CCZ1B: variants seen among roughly 807,000 people sequenced by gnomAD.
The protein encoded by CCZ1B is CCZ1B vacuolar protein trafficking and biogenesis associated.
CCZ1B carries 25 observed loss-of-function variants against 58.8 expected under a neutral mutation model. That is an observed-to-expected ratio of 0.43 (90% CI 0.31 to 0.59). CCZ1B has a LOEUF of 0.59. Ranked by LOEUF, CCZ1B falls within the 20% of genes least tolerant of loss-of-function variation. The pLI, the probability that CCZ1B is intolerant of heterozygous loss-of-function variation, is 0.12. For missense variants in CCZ1B, 180 were observed against 501.5 expected (o/e 0.36, Z 6.12); for synonymous variants, 66 against 173.2 (o/e 0.38, Z 4.86).
In CCZ1B at chr7:6,816,237, G is replaced by A. The variant is rs371840121; in HGVS notation, c.699-1392C>T. On this transcript the variant is annotated intron_variant, in intron 7 of 14. Coordinates refer to ENST00000316731, the MANE Select transcript of CCZ1B (RefSeq NM_198097.5). ...GCTCACACCTGTAATCCCAGCACTTGGGGAAGCCAAGGTGAGCAGATCACC... is the reference window on the plus strand; with the variant it reads ...GCTCACACCTGTAATCCCAGCACTTAGGGAAGCCAAGGTGAGCAGATCACC... Among the ~76,000 whole-genome samples, 13 of 149,216 alleles carry A rather than the reference G, an allele frequency of 8.7e-5. No individual in the cohort carries two copies. The East Asian group carries it at 2.1e-3, about 24-fold the overall frequency.
chr7:6,808,281 C>A (rs73333145), intron 10 of CCZ1B, among the ~76,000 whole-genome samples: 22,841 of 105,904 alleles, frequency 0.22, 4,115 homozygotes, highest in South Asian at 0.34. Context: ...AGCCACACAT[C>A]CTCGATGGGG....
At chr7:6,814,320 A>G (rs1196578391) in intron 8 of CCZ1B, among the ~76,000 whole-genome samples, 1 of 149,240 alleles carries the variant, frequency 6.7e-6, no homozygotes, top group Non-Finnish European at 1.5e-5. Context: ...GCAGATCACA[A>G]GGTCAGGAGT....
intron 5 of CCZ1B, among the ~76,000 whole-genome samples, 155 bp downstream of exon 5, chr7:6,823,158 C>T (rs6970263): frequency 0.52 from 76,274 of 146,852 alleles, 21,112 homozygotes; most frequent in South Asian, 0.81. Flanking sequence ...AGGCATAAAC[C>T]TCACTACCTG....
chr7:6,821,292 A>C (rs1783106305), intron 6 of CCZ1B, among the ~76,000 whole-genome samples: 1 of 150,002 alleles, frequency 6.7e-6, no homozygotes, highest in Non-Finnish European at 1.5e-5. Flanking sequence ...TTACAGGCGT[A>C]AGCCACCACA....
intron 4 of CCZ1B, among the ~76,000 whole-genome samples, 155 bp from the exon 5 acceptor site, chr7:6,823,515 CTTTTT>C (rs897480782): frequency 1.9e-5 from 2 of 104,878 alleles, no homozygotes; most frequent in African/African-American, 8.2e-5. Context: ...TGTTTGCGTT[CTTTTT>C]TTTTTTTTTT....
At chr7:6,824,880 T>C (rs1304413542) in intron 1 of CCZ1B, 143 bp from the exon 2 acceptor site, 2 of 1,107,684 alleles carry the variant, frequency 1.8e-6, no homozygotes, top group East Asian at 2.6e-5. Context: ...AAAACAGGAA[T>C]TGTAATCCTA....
chr7:6,817,826 A>T (rs1453808903), intron 7 of CCZ1B, among the ~76,000 whole-genome samples: 1 of 149,282 alleles, frequency 6.7e-6, no homozygotes, highest in Non-Finnish European at 1.5e-5. Context: ...CAGCCTGGCC[A>T]ACATGGTAAA....
chr7:6,814,376 A>C lies in CCZ1B; in HGVS notation c.780+388T>G, dbSNP rs887650173. ...ATAGTGAAACCTGTCTCTACTAAAAATACAAAAAAATTAGCTGGGCGTGGT... is the reference window on the plus strand; with the variant it reads ...ATAGTGAAACCTGTCTCTACTAAAACTACAAAAAAATTAGCTGGGCGTGGT... On this transcript the variant is annotated intron_variant, in intron 8 of 14. Transcript: ENST00000316731. Among the ~76,000 whole-genome samples the C allele has an allele frequency of 3.4e-5, 5 of 149,238 alleles. 1 individual carries two copies. The highest frequency in any genetic ancestry group is 7.6e-5 in the African/African-American group (3 of 39,358).
chr7:6,811,082 G>T (rs1782910615), intron 10 of CCZ1B, among the ~76,000 whole-genome samples: 1 of 151,510 alleles, frequency 6.6e-6, no homozygotes, highest in African/African-American at 2.4e-5. Context: ...TCAGCCGTGG[G>T]CCTGTCTGTG....
chr7:6,824,468 A>C lies in CCZ1B; in HGVS notation c.299T>G (p.Phe100Cys). Residue 100 changes from phenylalanine (F) to cysteine (C), a missense_variant, in exon 3 of 15, where the codon TTC becomes TGC. Phe to Cys is a radical substitution (Grantham distance 205, BLOSUM62 -2). Transcript: ENST00000316731. ...RQFFNEPEEN[F>C]WMVMVVRNPI... ...GTGTGTAAATACCATGACCATCCAG[A>C]AATTTTCTTCTGGTTCATTGAAGAA... The C allele has an allele frequency of 6.2e-7, 1 of 1,605,886 alleles. No homozygotes were observed. The highest frequency in any genetic ancestry group is 8.5e-7 in the Non-Finnish European group (1 of 1,177,638).
At position 6,824,624 on chromosome 7, in the gene CCZ1B, CA is replaced by C. The variant is rs1393495493; in HGVS notation, c.218+15del. 6.2e-7 allele frequency: 1 copy of C among 1,612,358 alleles called. No homozygotes were observed. The highest frequency in any genetic ancestry group is 1.4e-5 in the African/African-American group (1 of 73,810). ...AAGAATTCACTGAACGCTAAAGGCA[CA>C]CTTAGAGGTATTACCTTGTAAACTG... On this transcript the variant is annotated intron_variant, in intron 2 of 14. Transcript: ENST00000316731.
At chr7:6,800,917 A>C in intron 14 of CCZ1B, 31 bp downstream of exon 14, 1 of 785,204 alleles carries the variant, frequency 1.3e-6, no homozygotes, top group Non-Finnish European at 1.8e-6. Context: ...ACAACTTCTC[A>C]AATTCTCCTG....
chr7:6,818,667 C>CAGAA lies in CCZ1B; in HGVS notation c.698+1095_698+1098dup, dbSNP rs139349494. 1.8e-3 allele frequency among the ~76,000 whole-genome samples: 132 copies of CAGAA among 73,884 alleles called. 6 individuals are homozygous for CAGAA. Among genetic ancestry groups the CAGAA allele is most frequent in the African/African-American group, 3.4e-3 (71 of 20,878 alleles). 48.5% of individuals were successfully genotyped at this position (73,884 alleles called of 152,430 possible). On this transcript the variant is annotated intron_variant, in intron 7 of 14. Coordinates refer to ENST00000316731, the MANE Select transcript of CCZ1B (RefSeq NM_198097.5). ...AAAGAAAGACAGAAAGAAAGACAGA[C>CAGAA]AGAAAGAAAGAAAGAAAGAAAGAAA... is the stretch of plus-strand genomic sequence containing the variant.
chr7:6,817,033 G>C (rs1164503629), intron 7 of CCZ1B, among the ~76,000 whole-genome samples: 2 of 152,304 alleles, frequency 1.3e-5, no homozygotes, highest in Non-Finnish European at 2.9e-5. Flanking sequence ...CAAAGTGCTG[G>C]GATGACAGGT....
At position 6,812,067 on chromosome 7, in the gene CCZ1B, A is replaced by T; in HGVS notation, c.843-4T>A. On this transcript the variant is annotated splice_region_variant and splice_polypyrimidine_tract_variant and intron_variant, in intron 9 of 14. Transcript: ENST00000316731. ...GTTCAAGGGTCCGGTAAGAAATCTT[A>T]AAAGCAAGAACAGACATGACTTGAT... is the stretch of plus-strand genomic sequence containing the variant. 1 of 1,290,746 alleles carries T rather than the reference A, an allele frequency of 7.7e-7. No homozygotes were observed. Among genetic ancestry groups the T allele is most frequent in the Non-Finnish European group, 1.1e-6 (1 of 893,686 alleles). The allele number at this position is 1,290,746 out of a possible 1,614,324, so 80.0% of individuals were successfully genotyped here. A position where few individuals can be genotyped will look rare whatever the true frequency, so the allele number is the denominator to read the frequency against.
rs1356811151 is a variant in CCZ1B, at chr7:6,818,551, G to T, written c.698+1215C>A. Among the ~76,000 whole-genome samples, 3 of 142,024 alleles carry T rather than the reference G, an allele frequency of 2.1e-5. No homozygotes were observed. The East Asian group carries it at 5.9e-4, about 28-fold the overall frequency. The allele number at this position is 142,024 out of a possible 152,430, so 93.2% of individuals were successfully genotyped here. A position where few individuals can be genotyped will look rare whatever the true frequency, so the allele number is the denominator to read the frequency against. Reference sequence around the variant, plus strand: ...CAACAGAGTGAGACTCCGTTAGAAAGAAAGAAAGAAAGACAGAAAGAAAGA... The same window carrying T: ...CAACAGAGTGAGACTCCGTTAGAAATAAAGAAAGAAAGACAGAAAGAAAGA... On this transcript the variant is annotated intron_variant, in intron 7 of 14. Coordinates refer to ENST00000316731, the MANE Select transcript of CCZ1B (RefSeq NM_198097.5).
chr7:6,819,146 AG>A (rs764136416), intron 7 of CCZ1B, among the ~76,000 whole-genome samples: 11 of 141,486 alleles, frequency 7.8e-5, no homozygotes, highest in Non-Finnish European at 1.4e-4. Flanking sequence ...AAAAAAAAAA[AG>A]GTATAAAAAT....
intron 7 of CCZ1B, among the ~76,000 whole-genome samples, chr7:6,815,732 A>T (rs1282051592): frequency 6.7e-6 from 1 of 149,306 alleles, no homozygotes. Context: ...CTACTCCTAC[A>T]GTCCTGTATT....
chr7:6,810,395 CTT>C (rs1216633325), intron 10 of CCZ1B, among the ~76,000 whole-genome samples: 1 of 149,414 alleles, frequency 6.7e-6, no homozygotes, highest in East Asian at 1.9e-4. Context: ...TCTCTCAGAA[CTT>C]TGAAAGTCTC....
Sources: gnomAD v4.1 joint callset for allele counts (sites outside exome capture counted in the v4.1 genomes callset) on GRCh38, gnomAD v4.1.1 for gene constraint, MANE v1.5 for transcripts, NCBI Gene and HGNC (gene_info 2026-07-23, HGNC 2026-07-21) for gene names.